The following SLF1 variants were observed in gnomAD, a reference collection of about 807,000 sequenced individuals.
SLF1 encodes the protein SMC5/6 complex localization factor 1, also known as SMC5-SMC6 complex localization factor protein 1.
SLF1 carries 105 observed loss-of-function variants against 123.0 expected under a neutral mutation model. The observed-to-expected ratio is 0.85, with a 90% CI of 0.73 to 1.00. The LOEUF is 1.00. SLF1 is among the 50% of genes least tolerant of loss of function. The pLI is 0.00. For synonymous variants in SLF1, 434 were observed against 406.6 expected, an observed-to-expected ratio of 1.07 and a Z score of -0.81; for missense variants, 1,239 against 1,223.0, an observed-to-expected ratio of 1.01 and a Z score of -0.20.
At position 94,654,707 on chromosome 5, in the gene SLF1, T is replaced by A; in HGVS notation, c.1110T>A (p.Val370=). 2.6e-6 allele frequency: 4 copies of A among 1,544,166 alleles called. No individual in the cohort carries two copies. Among genetic ancestry groups the A allele is most frequent in the Non-Finnish European group, 3.5e-6 (4 of 1,143,206 alleles). Residue 370 remains valine, a synonymous_variant, in exon 9 of 21, where the codon GTT becomes GTA. Transcript: ENST00000265140. ...TGGCTATTAAGACAGATGTGGATGT[T>A]GTTGAAATAAAAAATACCTTAAGGA... ...KAMAIKTDVD[V]VEIKNTLRKH...
intron 12 of SLF1, 21 bp downstream of exon 12, chr5:94,666,045 C>G (rs1041522588): frequency 2.6e-6 from 4 of 1,524,302 alleles, no homozygotes; most frequent in Non-Finnish European, 2.6e-6. Context: ...TCACATTTGA[C>G]GATGCTACAT....
In SLF1 at chr5:94,639,263, C is replaced by G. The variant is rs1023692475; in HGVS notation, c.432-4010C>G. ...CCATGTTGGCCAGGCTGGTCTCGAACTTCTGACCTCAGGTGATTTGGCCAC... is the reference window on the plus strand; with the variant it reads ...CCATGTTGGCCAGGCTGGTCTCGAAGTTCTGACCTCAGGTGATTTGGCCAC... On this transcript the variant is annotated intron_variant, in intron 4 of 20. Transcript: ENST00000265140. Among the ~76,000 whole-genome samples the G allele has an allele frequency of 3.3e-5, 5 of 152,194 alleles. No individual in the cohort carries two copies. In the East Asian group the frequency reaches 5.8e-4, roughly 18 times the overall value.
Position 94,627,375 on chromosome 5 carries a change from G to A in SLF1, c.1-1436G>A, listed in dbSNP as rs1236703576. Among the ~76,000 whole-genome samples the A allele has an allele frequency of 7.2e-5, 11 of 151,774 alleles. 1 individual carries two copies. Among genetic ancestry groups the A allele is most frequent in the Admixed American group, 7.2e-4 (11 of 15,232 alleles). ...AGATTTTTCTCTAATACGCTGTCTA[G>A]TTCTCCAGTTCAACTTCATGTAAAC... On this transcript the variant is annotated intron_variant, in intron 1 of 20. Coordinates refer to ENST00000265140, the MANE Select transcript of SLF1 (RefSeq NM_032290.4).
In SLF1 at chr5:94,688,594, G is replaced by A; in HGVS notation, c.2210G>A (p.Cys737Tyr). ...QVSKKIGQRP[C>Y]FDSQRTLLML... ...TCAAAGAAAATAGGACAGCGGCCTT[G>A]TTTTGACTCTCAGAGAACCTTACTA... Residue 737 changes from cysteine to tyrosine, a missense_variant, in exon 17 of 21, where the codon TGT (cysteine) becomes TAT (tyrosine). Transcript: ENST00000265140. 1 of 1,614,118 alleles carries A rather than the reference G, an allele frequency of 6.2e-7. No homozygotes were observed. Among genetic ancestry groups the A allele is most frequent in the Non-Finnish European group, 8.5e-7 (1 of 1,179,974 alleles).
At position 94,653,304 on chromosome 5, in the gene SLF1, GA is replaced by G; in HGVS notation, c.916del (p.Arg306GlyfsTer5). The stretch of plus-strand genomic sequence containing the variant: ...TTAAGAAAAAAGATGAAGATATTCA[GA>G]GGAGTTATACTTTGAGGAGAAAACG... The part of the protein sequence containing the change: ...EIKKKDEDIQ[R>X]SYTLRRKRKK... On this transcript the variant is annotated frameshift_variant, in exon 8 of 21. Coordinates refer to ENST00000265140, the MANE Select transcript of SLF1 (RefSeq NM_032290.4). LOFTEE classifies it high-confidence loss of function. 6.5e-7 allele frequency: 1 copy of G among 1,532,366 alleles called. No homozygotes were observed. Among genetic ancestry groups the G allele is most frequent in the Non-Finnish European group, 8.8e-7 (1 of 1,140,728 alleles). 94.9% of individuals were successfully genotyped at this position (1,532,366 alleles called of 1,614,324 possible). A position where few individuals can be genotyped will look rare whatever the true frequency, so the allele number is the denominator to read the frequency against.
intron 14 of SLF1, 119 bp downstream of exon 14, chr5:94,671,127 T>C (rs1561461318): frequency 1.4e-5 from 10 of 736,186 alleles, no homozygotes; most frequent in Non-Finnish European, 2.0e-5. Context: ...TACCCAAATA[T>C]ATCATTGTTT....
At chr5:94,668,171 C>T (rs1428705044) in intron 12 of SLF1, among the ~76,000 whole-genome samples, 2 of 151,878 alleles carry the variant, frequency 1.3e-5, no homozygotes, top group Non-Finnish European at 2.9e-5. Context: ...CTTTTCAAAT[C>T]TCACTGTCAC....
At position 94,649,582 on chromosome 5, in the gene SLF1, C is replaced by G. The variant is rs770013907; in HGVS notation, c.723C>G (p.Thr241=). 4.0e-6 allele frequency: 6 copies of G among 1,508,904 alleles called. No homozygotes were observed. The South Asian group carries it at 7.8e-5, about 20-fold the overall frequency. The allele number at this position is 1,508,904 out of a possible 1,614,324, so 93.5% of individuals were successfully genotyped here. The change falls in exon 6 of 21, where the codon ACC becomes ACG. Residue 241 remains threonine, a synonymous_variant. Coordinates refer to ENST00000265140, the MANE Select transcript of SLF1 (RefSeq NM_032290.4). ...AAATGAAAGGTGCCTTAAGAGAGAC[C>G]ATGTATAGAACCCAGGTAAACTTTA... ...FLEMKGALRE[T]MYRTQKEMQN... is the part of the protein sequence containing the mutation.
intron 9 of SLF1, among the ~76,000 whole-genome samples, chr5:94,657,417 A>T (rs931010670): frequency 1.3e-5 from 2 of 151,980 alleles, no homozygotes; most frequent in Admixed American, 6.6e-5. Context: ...ATTTGATATG[A>T]CTTCAGATCT....
chr5:94,648,338 C>G (rs1747298768), intron 5 of SLF1, among the ~76,000 whole-genome samples: 1 of 152,196 alleles, frequency 6.6e-6, no homozygotes, highest in Admixed American at 6.5e-5. Flanking sequence ...GAACGGCCCT[C>G]ATTTTAACAT....
intron 18 of SLF1, 145 bp from the exon 19 acceptor site, chr5:94,691,419 C>A (rs1026269278): frequency 2.9e-5 from 6 of 205,692 alleles, no homozygotes; most frequent in African/African-American, 1.3e-4. Context: ...TTTTTAAATG[C>A]AGGGGATGTT....
At chr5:94,691,448 A>G in intron 18 of SLF1, 116 bp from the exon 19 acceptor site, 3 of 490,056 alleles carry the variant, frequency 6.1e-6, no homozygotes, top group Non-Finnish European at 9.6e-6. Context: ...TCAAAAGAAG[A>G]ACTCAATAAA....
At chr5:94,653,134 G>C in intron 7 of SLF1, 138 bp from the exon 8 acceptor site, 2 of 776,020 alleles carry the variant, frequency 2.6e-6, no homozygotes, top group Non-Finnish European at 3.8e-6. Flanking sequence ...AGAGATTACA[G>C]GCATGAGCCA....
intron 20 of SLF1, among the ~76,000 whole-genome samples, chr5:94,693,208 T>A (rs1753224166): frequency 1.3e-5 from 2 of 152,222 alleles, no homozygotes; most frequent in African/African-American, 4.8e-5. Context: ...CATTTGGTTA[T>A]ATATAGTCTT....
intron 1 of SLF1, among the ~76,000 whole-genome samples, 174 bp downstream of exon 1, chr5:94,618,939 A>G (rs925859136): frequency 6.6e-6 from 1 of 152,084 alleles, no homozygotes; most frequent in Admixed American, 6.5e-5. Context: ...AGTTCGTTCC[A>G]GCTCTCCCGA....
At chr5:94,656,578 T>C (rs1205162316) in intron 9 of SLF1, among the ~76,000 whole-genome samples, 1 of 152,046 alleles carries the variant, frequency 6.6e-6, no homozygotes, top group African/African-American at 2.4e-5. Context: ...GATAGTTCTT[T>C]ATACATTTGG....
At chr5:94,652,968 C>T (rs1747923978) in intron 7 of SLF1, among the ~76,000 whole-genome samples, 1 of 152,176 alleles carries the variant, frequency 6.6e-6, no homozygotes, top group African/African-American at 2.4e-5. Flanking sequence ...AGCGATTCAC[C>T]TGCCTCAGCC....
intron 9 of SLF1, among the ~76,000 whole-genome samples, chr5:94,655,690 ATT>A (rs2152481465): frequency 6.6e-6 from 1 of 151,912 alleles, no homozygotes; most frequent in South Asian, 2.1e-4. Flanking sequence ...ATTCCTAGGT[ATT>A]TTATAATTTT....
chr5:94,646,956 T>C (rs1363878404), intron 5 of SLF1, among the ~76,000 whole-genome samples: 2 of 152,220 alleles, frequency 1.3e-5, no homozygotes, highest in Admixed American at 1.3e-4. Flanking sequence ...CTCATGTTCA[T>C]GTGTGGTATG....
Sources: gnomAD v4.1 joint callset for allele counts (sites outside exome capture counted in the v4.1 genomes callset) on GRCh38, gnomAD v4.1.1 for gene constraint, MANE v1.5 for transcripts, NCBI Gene and HGNC (gene_info 2026-07-23, HGNC 2026-07-21) for gene names.